ERC2: variants seen among roughly 807,000 people sequenced by gnomAD.
The protein encoded by ERC2 is ERC protein 2.
A neutral mutation model predicts 114.8 loss-of-function variants in ERC2; 42 were observed. The observed-to-expected ratio is 0.37, with a 90% CI of 0.29 to 0.47. ERC2 has a LOEUF of 0.47. ERC2 is among the 20% of genes least tolerant of loss of function. The probability of loss-of-function intolerance (pLI) is 0.99; values close to 1 mark genes in which losing one functional copy is unlikely to be tolerated. For missense variants in ERC2, 939 were observed against 1,150.7 expected (o/e 0.82, Z 2.66); for synonymous variants, 454 against 425.5 (o/e 1.07, Z -0.82).
In ERC2 at chr3:55,948,992, G is replaced by A. The variant is rs138852083; in HGVS notation, c.2403+1433C>T. The stretch of plus-strand genomic sequence containing the variant: ...ACTCTTTAACTCTCACAACTACTCT[G>A]GAGCAGATGCAATTATTATCCTTGT... On this transcript the variant is annotated intron_variant, in intron 13 of 17. Coordinates refer to ENST00000288221, the MANE Select transcript of ERC2 (RefSeq NM_015576.3). Among the ~76,000 whole-genome samples, 703 of 152,180 alleles carry A rather than the reference G, an allele frequency of 4.6e-3. 10 individuals carry two copies. The highest frequency in any genetic ancestry group is 0.016 in the African/African-American group (660 of 41,510).
At chr3:56,144,535 T>G (rs2081039442) in intron 5 of ERC2, among the ~76,000 whole-genome samples, 1 of 152,210 alleles carries the variant, frequency 6.6e-6, no homozygotes, top group African/African-American at 2.4e-5. Flanking sequence ...AACCGATTCG[T>G]GCTAACTTCT....
intron 12 of ERC2, among the ~76,000 whole-genome samples, chr3:55,974,026 A>G (rs2069380540): frequency 6.6e-6 from 1 of 152,226 alleles, no homozygotes; most frequent in South Asian, 2.1e-4. Context: ...AAACAAAACA[A>G]GGAAAGAAAT....
At chr3:56,200,348 G>GAAAAAAAAAAAAAA (rs5849133) in intron 3 of ERC2, among the ~76,000 whole-genome samples, 1 of 141,348 alleles carries the variant, frequency 7.1e-6, no homozygotes, top group Non-Finnish European at 1.5e-5. Flanking sequence ...ATACTCAGGG[G>GAAAAAAAAAAAAAA]AAAAAAAAAA....
At chr3:55,886,014 A>AT (rs1323929562) in intron 14 of ERC2, among the ~76,000 whole-genome samples, 2 of 152,194 alleles carry the variant, frequency 1.3e-5, no homozygotes, top group Admixed American at 1.3e-4. Context: ...ACAGGAAGTA[A>AT]TTAAAATTTC....
At chr3:56,388,217 G>A (rs2060003521) in intron 2 of ERC2, among the ~76,000 whole-genome samples, 1 of 152,170 alleles carries the variant, frequency 6.6e-6, no homozygotes, top group Admixed American at 6.6e-5. Context: ...TTGGACGTAG[G>A]CCCTGGTGGG....
At chr3:55,974,661 G>A (rs577773023) in intron 12 of ERC2, among the ~76,000 whole-genome samples, 23 of 152,232 alleles carry the variant, frequency 1.5e-4, no homozygotes, top group Admixed American at 2.6e-4. Context: ...CATCTCTGCC[G>A]TCCACGATCC....
intron 14 of ERC2, among the ~76,000 whole-genome samples, chr3:55,882,003 G>T (rs112350902): frequency 6.6e-6 from 1 of 152,118 alleles, no homozygotes; most frequent in Non-Finnish European, 1.5e-5. Flanking sequence ...ACTGAAGAAG[G>T]GTATTGCTGT....
intron 17 of ERC2, among the ~76,000 whole-genome samples, chr3:55,615,723 G>T: frequency 6.6e-6 from 1 of 152,210 alleles, no homozygotes; most frequent in South Asian, 2.1e-4. Context: ...AATGATCATT[G>T]TTGGAACTAT....
chr3:55,736,592 T>C (rs1451062378), intron 14 of ERC2, among the ~76,000 whole-genome samples: 6 of 152,178 alleles, frequency 3.9e-5, no homozygotes, highest in Non-Finnish European at 8.8e-5. Flanking sequence ...ACCTCATCGA[T>C]CTTGTGCACC....
intron 7 of ERC2, among the ~76,000 whole-genome samples, chr3:56,022,943 G>A (rs1490660606): frequency 6.6e-6 from 1 of 152,156 alleles, no homozygotes; most frequent in Admixed American, 6.5e-5. Flanking sequence ...GCAGAAACCT[G>A]GAAAGGGGGT....
intron 3 of ERC2, among the ~76,000 whole-genome samples, chr3:56,210,462 T>C (rs2048992866): frequency 6.6e-6 from 1 of 152,252 alleles, no homozygotes; most frequent in Admixed American, 6.5e-5. Flanking sequence ...TTGTACTAAA[T>C]ACTACATTTT....
At chr3:56,168,640 G>A (rs1032881406) in intron 4 of ERC2, among the ~76,000 whole-genome samples, 3 of 152,074 alleles carry the variant, frequency 2.0e-5, no homozygotes, top group Admixed American at 6.6e-5. Flanking sequence ...GTAAAGTTGC[G>A]AAGTAGTAGT....
chr3:55,734,094 G>C (rs149880043), intron 15 of ERC2, among the ~76,000 whole-genome samples: 3 of 152,196 alleles, frequency 2.0e-5, no homozygotes, highest in South Asian at 2.1e-4. Context: ...CTTCCAGAGA[G>C]CAAGGAATTT....
intron 7 of ERC2, among the ~76,000 whole-genome samples, chr3:56,040,642 A>AGG (rs2075117479): frequency 7.0e-6 from 1 of 141,854 alleles, no homozygotes; most frequent in Non-Finnish European, 1.5e-5. Context: ...ATATACATAT[A>AGG]TAGATGTATA....
At chr3:55,687,514 G>A (rs1312419151) in intron 16 of ERC2, among the ~76,000 whole-genome samples, 6 of 152,074 alleles carry the variant, frequency 3.9e-5, no homozygotes, top group African/African-American at 9.7e-5. Flanking sequence ...TAGAACCAGC[G>A]AAGTATCACT....
chr3:55,789,441 C>T (rs1026696481), intron 14 of ERC2, among the ~76,000 whole-genome samples: 1 of 152,194 alleles, frequency 6.6e-6, no homozygotes, highest in Admixed American at 6.5e-5. Context: ...GATCCCAAGT[C>T]TCTTAGCAAT....
intron 14 of ERC2, among the ~76,000 whole-genome samples, chr3:55,801,058 TC>T (rs1405803325): frequency 6.6e-6 from 1 of 152,168 alleles, no homozygotes; most frequent in African/African-American, 2.4e-5. Flanking sequence ...CCCATAACAT[TC>T]CCCTATATTG....
Position 55,952,177 on chromosome 3 carries a change from ACACTCTCTCTCTCTCTCTCTCT to A in ERC2, c.2268-1639_2268-1618del, listed in dbSNP as rs2067606896. ...CACACACACACACACACACACACAC[ACACTCTCTCTCTCTCTCTCTCT>A]ATATATATATATATATATTCTGAAC... On this transcript the variant is annotated intron_variant, in intron 12 of 17. Transcript: ENST00000288221. Among the ~76,000 whole-genome samples the A allele has an allele frequency of 3.1e-4, 12 of 38,686 alleles. No individual in the cohort carries two copies. In the East Asian group the frequency reaches 4.5e-3, roughly 15 times the overall value. The allele number at this position is 38,686 out of a possible 152,430, so 25.4% of individuals were successfully genotyped here. A position where few individuals can be genotyped will look rare whatever the true frequency, so the allele number is the denominator to read the frequency against.
At chr3:56,365,138 T>C (rs1003976657) in intron 2 of ERC2, among the ~76,000 whole-genome samples, 14 of 152,352 alleles carry the variant, frequency 9.2e-5, no homozygotes, top group African/African-American at 3.1e-4. Context: ...GGCTATTATT[T>C]TTACTGCTGC....
Sources: gnomAD v4.1 joint callset for allele counts (sites outside exome capture counted in the v4.1 genomes callset) on GRCh38, gnomAD v4.1.1 for gene constraint, MANE v1.5 for transcripts, NCBI Gene and HGNC (gene_info 2026-07-23, HGNC 2026-07-21) for gene names.